The following ITCH variants were observed in gnomAD, a reference collection of about 807,000 sequenced individuals.
The protein encoded by ITCH is itchy E3 ubiquitin protein ligase, also known as E3 ubiquitin-protein ligase Itchy homolog.
Under a neutral mutation model 126.8 loss-of-function variants are expected in ITCH, and 28 were observed. That is an observed-to-expected ratio of 0.22 (90% confidence interval 0.16 to 0.30). The LOEUF (loss-of-function observed/expected upper bound fraction) is 0.30, where lower values mean the gene tolerates loss of function less well. Ranked by LOEUF, ITCH falls within the 10% of genes least tolerant of loss-of-function variation. The pLI is 1.00. For missense variants in ITCH, 631 were observed against 1,032.4 expected (o/e 0.61, Z 5.33); for synonymous variants, 342 against 340.0 (o/e 1.01, Z -0.06).
chr20:34,455,244 G>C (rs1985765444), intron 12 of ITCH, among the ~76,000 whole-genome samples: 3 of 152,120 alleles, frequency 2.0e-5, no homozygotes, highest in Non-Finnish European at 2.9e-5. Context: ...TTTTTAAAAA[G>C]TTTCAGTTCA....
intron 14 of ITCH, among the ~76,000 whole-genome samples, chr20:34,468,901 A>C (rs1012721704): frequency 3.3e-5 from 5 of 152,336 alleles, no homozygotes; most frequent in African/African-American, 1.2e-4. Flanking sequence ...ACAGAAAATC[A>C]TGAAGAATCT....
intron 7 of ITCH, among the ~76,000 whole-genome samples, chr20:34,437,699 A>G (rs555546090): frequency 6.6e-6 from 1 of 152,334 alleles, no homozygotes; most frequent in South Asian, 2.1e-4. Flanking sequence ...GTTTGGAGGT[A>G]GTACATACCA....
chr20:34,393,235 G>A (rs921876704), intron 2 of ITCH, among the ~76,000 whole-genome samples: 3 of 152,182 alleles, frequency 2.0e-5, no homozygotes, highest in Non-Finnish European at 2.9e-5. Context: ...ATTTGGTCAG[G>A]TGTGGTGGCT....
At chr20:34,457,216 A>G (rs1986089253) in intron 12 of ITCH, among the ~76,000 whole-genome samples, 174 bp from the exon 13 acceptor site, 1 of 152,258 alleles carries the variant, frequency 6.6e-6, no homozygotes, top group Admixed American at 6.5e-5. Flanking sequence ...AACTTCAGTA[A>G]GGATGTGCAT....
chr20:34,449,902 A>G (rs1353692533), intron 12 of ITCH, among the ~76,000 whole-genome samples: 1 of 152,168 alleles, frequency 6.6e-6, no homozygotes, highest in Non-Finnish European at 1.5e-5. Flanking sequence ...AGAACATATT[A>G]GTACTTGTCA....
At chr20:34,397,675 T>C (rs1334013660) in intron 3 of ITCH, among the ~76,000 whole-genome samples, 1 of 152,218 alleles carries the variant, frequency 6.6e-6, no homozygotes, top group Admixed American at 6.5e-5. Context: ...CTTAGCAGTA[T>C]CTGTTTCTTA....
chr20:34,424,624 G>A, intron 7 of ITCH, 99 bp downstream of exon 7: 1 of 988,212 alleles, frequency 1.0e-6, no homozygotes, highest in Non-Finnish European at 1.6e-6. Flanking sequence ...AAGAATAAAT[G>A]AGTGTCAGAA....
intron 22 of ITCH, among the ~76,000 whole-genome samples, chr20:34,492,115 A>G (rs1405270318): frequency 1.3e-5 from 2 of 152,192 alleles, no homozygotes; most frequent in African/African-American, 2.4e-5. Context: ...ATATCCCTTT[A>G]AGTATATTGT....
chr20:34,405,048 AG>A (rs2039010992), intron 3 of ITCH, among the ~76,000 whole-genome samples: 1 of 141,694 alleles, frequency 7.1e-6, no homozygotes, highest in Non-Finnish European at 1.5e-5. Context: ...CTGAGATGGG[AG>A]GATGGCTTGA....
intron 10 of ITCH, among the ~76,000 whole-genome samples, chr20:34,444,700 G>A (rs1984219199): frequency 6.6e-6 from 1 of 152,124 alleles, no homozygotes; most frequent in Non-Finnish European, 1.5e-5. Flanking sequence ...GGAGTGTATT[G>A]GCATGATCTC....
chr20:34,457,512 G>A, intron 13 of ITCH, 38 bp downstream of exon 13: 1 of 1,317,088 alleles, frequency 7.6e-7, no homozygotes, highest in East Asian at 2.3e-5. Flanking sequence ...ATCTCTTAAA[G>A]ATTATACCTT....
At position 34,472,395 on chromosome 20, in the gene ITCH, A is replaced by AAAG. The variant is rs533208894; in HGVS notation, c.1569+882_1569+883insGAA. Among the ~76,000 whole-genome samples the AAAG allele has an allele frequency of 7.6e-4, 111 of 145,846 alleles. 1 individual carries two copies. Among genetic ancestry groups the AAAG allele is most frequent in the African/African-American group, 8.5e-4 (34 of 39,830 alleles). On this transcript the variant is annotated intron_variant, in intron 16 of 24. Coordinates refer to ENST00000374864, the MANE Select transcript of ITCH (RefSeq NM_031483.7). ...TTTAAAAAAAAAAAAAAAAAAAAAA[A>AAAG]AACTTGAGTTAGTCTACTATTCGCC...
chr20:34,373,787 C>T (rs1320751208), intron 2 of ITCH, among the ~76,000 whole-genome samples: 1 of 152,182 alleles, frequency 6.6e-6, no homozygotes, highest in African/African-American at 2.4e-5. Flanking sequence ...GCTTAACTCA[C>T]TCCAGAAATA....
intron 14 of ITCH, among the ~76,000 whole-genome samples, chr20:34,465,496 A>G (rs1215003982): frequency 6.6e-6 from 1 of 152,152 alleles, no homozygotes; most frequent in Admixed American, 6.5e-5. Context: ...CAGATTCAAT[A>G]TCTGTATCAA....
intron 3 of ITCH, among the ~76,000 whole-genome samples, chr20:34,397,034 G>T (rs1273742715): frequency 8.0e-5 from 12 of 150,126 alleles, no homozygotes; most frequent in Admixed American, 7.3e-4. Flanking sequence ...GTTTTTTTTT[G>T]TTTGTTTTTT....
rs138059778 is a variant in ITCH at position 34,508,876 on chromosome 20, G to A, written c.*1082G>A. On this transcript the variant is annotated 3_prime_UTR_variant, in exon 25 of 25. Transcript: ENST00000374864. ...TAGAGTGCTTTCTAGTCCAAATAGA[G>A]GTCAGTGAAACAGCTTTTGACATCA... 71 of 152,194 alleles carry A rather than the reference G, an allele frequency of 4.7e-4. 1 individual carries two copies. In the East Asian group the frequency reaches 0.013, roughly 28 times the overall value. 9.4% of individuals were successfully genotyped at this position (152,194 alleles called of 1,614,324 possible). A position where few individuals can be genotyped will look rare whatever the true frequency, so the allele number is the denominator to read the frequency against.
chr20:34,401,028 G>T (rs560439234), intron 3 of ITCH, among the ~76,000 whole-genome samples: 2 of 152,132 alleles, frequency 1.3e-5, no homozygotes, highest in East Asian at 3.9e-4. Context: ...CAAAGTTCTC[G>T]AATTACAGGC....
At chr20:34,375,696 ATTTTTTTTTTTTTTTTTTTTTTT>A (rs5841171) in intron 2 of ITCH, among the ~76,000 whole-genome samples, 2 of 65,526 alleles carry the variant, frequency 3.1e-5, no homozygotes, top group African/African-American at 1.5e-4. Context: ...GGTAGTTAAA[ATTTTTTTTTTTTTTTTTTTTTTT>A]TTTTTTTTTT....
At position 34,508,744 on chromosome 20, in the gene ITCH, G is replaced by C. The variant is rs1217730152; in HGVS notation, c.*950G>C. 6.6e-6 allele frequency: 1 copy of C among 152,070 alleles called. No individual in the cohort carries two copies. Among genetic ancestry groups the C allele is most frequent in the African/African-American group, 2.4e-5 (1 of 41,410 alleles). 9.4% of individuals were successfully genotyped at this position (152,070 alleles called of 1,614,324 possible). On this transcript the variant is annotated 3_prime_UTR_variant, in exon 25 of 25. Coordinates refer to ENST00000374864, the MANE Select transcript of ITCH (RefSeq NM_031483.7). The stretch of plus-strand genomic sequence containing the variant: ...TTGAATTCATCTAAAGATGTCTCTG[G>C]TGATTTTTATATGTTCCGCTATATA...
Sources: gnomAD v4.1 joint callset for allele counts (sites outside exome capture counted in the v4.1 genomes callset) on GRCh38, gnomAD v4.1.1 for gene constraint, MANE v1.5 for transcripts, NCBI Gene and HGNC (gene_info 2026-07-23, HGNC 2026-07-21) for gene names.